The following REDIC1 variants were observed in gnomAD, a reference collection of about 807,000 sequenced individuals.
REDIC1 encodes HEI10 Interacting Protein 1.
the REDIC1 span, chr12:39,692,228 T>A: frequency 9.9e-7 from 1 of 1,009,880 alleles, no homozygotes; most frequent in Non-Finnish European, 1.4e-6. Flanking sequence ...ATATCATGGA[T>A]ATTTTAGTAC....
At chr12:39,692,086 G>A in the REDIC1 span, 1 of 1,578,140 alleles carries the variant, frequency 6.3e-7, no homozygotes, top group Non-Finnish European at 8.6e-7. Flanking sequence ...TCTTTAAAAA[G>A]CAAGCGAATA....
chr12:39,748,629 C>T, the REDIC1 span, among the ~76,000 whole-genome samples: 2 of 152,306 alleles, frequency 1.3e-5, no homozygotes, highest in East Asian at 1.9e-4. Context: ...CTTCTCAGCA[C>T]CACACTGCAC....
chr12:39,877,649 A>G, the REDIC1 span, among the ~76,000 whole-genome samples: 10 of 152,202 alleles, frequency 6.6e-5, no homozygotes, highest in African/African-American at 2.2e-4. Flanking sequence ...CAGGTCATGG[A>G]CTTGTGGAAA....
chr12:39,793,809 C>A, the REDIC1 span, among the ~76,000 whole-genome samples: 99 of 152,172 alleles, frequency 6.5e-4, no homozygotes, highest in African/African-American at 1.8e-3. Context: ...TTAATCTAAG[C>A]AGTGACATAA....
At chr12:39,654,103 G>GT in the REDIC1 span, among the ~76,000 whole-genome samples, 1 of 149,820 alleles carries the variant, frequency 6.7e-6, no homozygotes, top group Non-Finnish European at 1.5e-5. Flanking sequence ...AGGTGTTTTT[G>GT]TAAGTGTCCT....
the REDIC1 span, among the ~76,000 whole-genome samples, chr12:39,634,161 G>A: frequency 6.6e-6 from 1 of 152,026 alleles, no homozygotes; most frequent in African/African-American, 2.4e-5. Context: ...CTTGTAAGTT[G>A]GATTCCTAGG....
the REDIC1 span, among the ~76,000 whole-genome samples, chr12:39,765,570 C>T: frequency 3.3e-5 from 5 of 152,178 alleles, no homozygotes; most frequent in Admixed American, 2.0e-4. Flanking sequence ...CCTTCAACCT[C>T]TATCTTTGAA....
chr12:39,883,883 T>C, the REDIC1 span, among the ~76,000 whole-genome samples: 10 of 152,272 alleles, frequency 6.6e-5, 1 homozygote, highest in Admixed American at 2.0e-4. Context: ...GGAAGTATAT[T>C]CACGTAGAAT....
At chr12:39,739,719 G>A in the REDIC1 span, among the ~76,000 whole-genome samples, 6 of 152,076 alleles carry the variant, frequency 3.9e-5, no homozygotes, top group African/African-American at 1.4e-4. Context: ...TTCCAAAATG[G>A]TCATAATTCT....
At chr12:39,719,306 A>G in the REDIC1 span, among the ~76,000 whole-genome samples, 1 of 152,188 alleles carries the variant, frequency 6.6e-6, no homozygotes, top group African/African-American at 2.4e-5. Flanking sequence ...TAAACACATT[A>G]TAATAAGTAT....
At chr12:39,658,334 C>T in the REDIC1 span, among the ~76,000 whole-genome samples, 24 of 152,182 alleles carry the variant, frequency 1.6e-4, no homozygotes, top group Admixed American at 1.1e-3. Flanking sequence ...ATCCACCTGC[C>T]TCAGCCTCCC....
At chr12:39,666,341 T>G in the REDIC1 span, among the ~76,000 whole-genome samples, 1 of 152,220 alleles carries the variant, frequency 6.6e-6, no homozygotes, top group East Asian at 1.9e-4. Flanking sequence ...CTTTTGTTGT[T>G]GGTTCTGTTT....
the REDIC1 span, among the ~76,000 whole-genome samples, chr12:39,649,950 G>T: frequency 6.6e-6 from 1 of 151,350 alleles, no homozygotes; most frequent in Non-Finnish European, 1.5e-5. Flanking sequence ...TGGTGTCCTG[G>T]GTGTTTTTTT....
chr12:39,776,833 T>C, the REDIC1 span, among the ~76,000 whole-genome samples: 3 of 152,352 alleles, frequency 2.0e-5, no homozygotes, highest in East Asian at 5.8e-4. Flanking sequence ...TGAAAAGTTA[T>C]AACAAAGTGA....
chr12:39,888,618 A>G, the REDIC1 span, among the ~76,000 whole-genome samples: 3 of 152,234 alleles, frequency 2.0e-5, no homozygotes, highest in Non-Finnish European at 2.9e-5. Flanking sequence ...TTTATTCTTT[A>G]CCTGACAGGA....
chr12:39,745,701 T>A, the REDIC1 span, among the ~76,000 whole-genome samples: 1 of 152,264 alleles, frequency 6.6e-6, no homozygotes, highest in African/African-American at 2.4e-5. Context: ...AAATGTATCA[T>A]CCAAATGTGT....
chr12:39,810,752 T>A, the REDIC1 span, among the ~76,000 whole-genome samples: 4 of 152,140 alleles, frequency 2.6e-5, no homozygotes, highest in African/African-American at 9.7e-5. Context: ...TCTCTTTTCT[T>A]CTCTTAATAT....
chr12:39,712,915 A>C, the REDIC1 span, among the ~76,000 whole-genome samples: 1 of 147,872 alleles, frequency 6.8e-6, no homozygotes, highest in Admixed American at 6.8e-5. Flanking sequence ...ATACGTATAT[A>C]CATATGTGCA....
chr12:39,774,548 A>C, the REDIC1 span, among the ~76,000 whole-genome samples: 1 of 150,302 alleles, frequency 6.7e-6, no homozygotes, highest in Non-Finnish European at 1.5e-5. Flanking sequence ...GACCATGTTG[A>C]AAATCCTGCC....
Sources: gnomAD v4.1 joint callset for allele counts (sites outside exome capture counted in the v4.1 genomes callset) on GRCh38, gnomAD v4.1.1 for gene constraint, MANE v1.5 for transcripts, NCBI Gene and HGNC (gene_info 2026-07-23, HGNC 2026-07-21) for gene names.